Variants in PCDHGA5 observed in about 807,000 individuals in gnomAD.
The protein encoded by PCDHGA5 is protocadherin gamma subfamily A, 5.
Under a neutral mutation model 56.7 loss-of-function variants are expected in PCDHGA5, and 36 were observed. The ratio of observed to expected loss-of-function variants is 0.64; its 90% CI spans 0.49 to 0.84. The LOEUF is 0.84. Ranked by LOEUF, PCDHGA5 falls within the 40% of genes least tolerant of loss-of-function variation. The probability of loss-of-function intolerance (pLI) is 0.00; values close to 1 mark genes in which losing one functional copy is unlikely to be tolerated. For missense variants in PCDHGA5, 1,305 were observed against 1,201.5 expected (o/e 1.09, Z -1.27); for synonymous variants, 563 against 520.2 (o/e 1.08, Z -1.12).
chr5:141,437,408 G>A (rs1591455458), intron 1 of PCDHGA5, among the ~76,000 whole-genome samples: 1 of 152,200 alleles, frequency 6.6e-6, no homozygotes, highest in Non-Finnish European at 1.5e-5. Flanking sequence ...CATTCCAGAA[G>A]TATTATGCTT....
chr5:141,416,819 G>A (rs952251457), intron 1 of PCDHGA5: 5 of 151,982 alleles, frequency 3.3e-5, no homozygotes, highest in African/African-American at 9.7e-5. Flanking sequence ...AAAGCATTCC[G>A]AAGTTTCTCA....
chr5:141,428,114 C>T (rs2097111703), intron 1 of PCDHGA5: 1 of 1,607,084 alleles, frequency 6.2e-7, no homozygotes, highest in Admixed American at 1.7e-5. Context: ...TGCAGGCCAT[C>T]GAGCCCGGGC....
At chr5:141,428,141 G>A (rs1314061143) in intron 1 of PCDHGA5, 1 of 1,596,618 alleles carries the variant, frequency 6.3e-7, no homozygotes, top group Non-Finnish European at 8.6e-7. Context: ...GCCTGGGGCT[G>A]CACACGGGAA....
chr5:141,389,847 A>T (rs541124715), intron 1 of PCDHGA5: 1 of 1,614,066 alleles, frequency 6.2e-7, no homozygotes, highest in African/African-American at 1.3e-5. Flanking sequence ...ACTCTCGGCC[A>T]CTGCCACGTT....
intron 1 of PCDHGA5, chr5:141,375,729 G>A: frequency 1.9e-6 from 3 of 1,614,264 alleles, no homozygotes; most frequent in Non-Finnish European, 2.5e-6. Flanking sequence ...GTGTCACTGA[G>A]CCTGTTTGTG....
At position 141,431,994 on chromosome 5, in the gene PCDHGA5, G is replaced by C; in HGVS notation, c.2422-62813G>C. ...TTAGTCACAGACATAGTCTTGGATA[G>C]GGAACAGGTTCCTAGCTACAACATC... is the stretch of plus-strand genomic sequence containing the variant. On this transcript the variant is annotated intron_variant, in intron 1 of 3. Coordinates refer to ENST00000518069, the MANE Select transcript of PCDHGA5 (RefSeq NM_018918.3). The surrounding 1 kb of genome is among the most constrained non-coding windows in gnomAD (Gnocchi z 4.8). 1.9e-6 allele frequency: 3 copies of C among 1,614,188 alleles called. 1 individual carries two copies. The highest frequency in any genetic ancestry group is 2.2e-5 in the South Asian group (2 of 91,082).
chr5:141,387,926 G>A (rs888934094), intron 1 of PCDHGA5: 1 of 1,236,078 alleles, frequency 8.1e-7, no homozygotes, highest in South Asian at 1.5e-5. Context: ...CTGAGAGGCT[G>A]CCAGTGCTCT....
intron 1 of PCDHGA5, chr5:141,402,869 C>G (rs1051518401): frequency 6.7e-5 from 97 of 1,448,564 alleles, no homozygotes; most frequent in Admixed American, 6.1e-4. Flanking sequence ...GAAAAGATCA[C>G]CATACTTTGC....
At chr5:141,376,311 T>G in intron 1 of PCDHGA5, 1 of 1,613,882 alleles carries the variant, frequency 6.2e-7, no homozygotes, top group Non-Finnish European at 8.5e-7. Context: ...TTTGTGGGCG[T>G]GGAAGGGGTT....
chr5:141,492,007 C>A, intron 1 of PCDHGA5: 1 of 629,072 alleles, frequency 1.6e-6, no homozygotes, highest in Non-Finnish European at 2.6e-6. Flanking sequence ...GCGATTTCCG[C>A]GGGTGTCGGG....
rs974732178 is a variant in PCDHGA5 at position 141,374,708 on chromosome 5, C to A, written c.2421+7957C>A. On this transcript the variant is annotated intron_variant, in intron 1 of 3. Coordinates refer to ENST00000518069, the MANE Select transcript of PCDHGA5 (RefSeq NM_018918.3). ...GGACCGGGAAGGAGAAGCCGTTTACCGCCTGGTCCTTACTGCCATGGATGG... is the reference window on the plus strand; with the variant it reads ...GGACCGGGAAGGAGAAGCCGTTTACAGCCTGGTCCTTACTGCCATGGATGG... 1.8e-5 allele frequency: 29 copies of A among 1,609,028 alleles called. No individual in the cohort carries two copies. In the Admixed American group the frequency reaches 3.1e-4, roughly 17 times the overall value.
chr5:141,503,608 A>AAAAAAAG (rs1483073868), intron 2 of PCDHGA5, among the ~76,000 whole-genome samples: 1 of 151,994 alleles, frequency 6.6e-6, no homozygotes, highest in East Asian at 1.9e-4. Flanking sequence ...CAAAAAAAAA[A>AAAAAAAG]AAAAAAGAAA....
At chr5:141,411,567 G>A (rs1390794685) in intron 1 of PCDHGA5, 1 of 152,186 alleles carries the variant, frequency 6.6e-6, no homozygotes, top group Non-Finnish European at 1.5e-5. Context: ...CTGGGCGACA[G>A]AGTGCGACCC....
At chr5:141,446,922 T>G (rs939249512) in intron 1 of PCDHGA5, among the ~76,000 whole-genome samples, 1 of 152,220 alleles carries the variant, frequency 6.6e-6, no homozygotes, top group Non-Finnish European at 1.5e-5. Context: ...TTTATCTTCC[T>G]GATCTCTTTT....
intron 1 of PCDHGA5, among the ~76,000 whole-genome samples, chr5:141,435,833 A>G (rs1354866725): frequency 6.6e-6 from 1 of 152,112 alleles, no homozygotes; most frequent in Non-Finnish European, 1.5e-5. Flanking sequence ...TTTGCTGCCT[A>G]TCTACTTTGA....
In PCDHGA5 at chr5:141,477,877, C is replaced by A; in HGVS notation, c.2422-16930C>A. 1 of 1,614,170 alleles carries A rather than the reference C, an allele frequency of 6.2e-7. No homozygotes were observed. The highest frequency in any genetic ancestry group is 8.5e-7 in the Non-Finnish European group (1 of 1,180,036). On this transcript the variant is annotated intron_variant, in intron 1 of 3. Transcript: ENST00000518069. This position sits in a 1 kb window ranked among gnomAD's most constrained non-coding sequence, Gnocchi z 4.9. The stretch of plus-strand genomic sequence containing the variant: ...TGCTGCCTCGAGGTACCTCAGCTGG[C>A]CACCTAGTGTCACGGGTGGTAGGCT...
rs1465149203 is a variant in PCDHGA5 at position 141,366,402 on chromosome 5, T to C, written c.2072T>C (p.Leu691Pro). 7.4e-6 allele frequency: 12 copies of C among 1,614,168 alleles called. No individual in the cohort carries two copies. The highest frequency in any genetic ancestry group is 1.0e-5 in the Non-Finnish European group (12 of 1,180,032). ...PIDPEDLDLT[L>P]YLVVAVAAVS... ...GACCCTGAGGATCTGGACCTCACAC[T>C]CTATCTTGTGGTGGCAGTGGCTGCA... Residue 691 changes from leucine to proline, a missense_variant, in exon 1 of 4, where the codon CTC becomes CCC. Coordinates refer to ENST00000518069, the MANE Select transcript of PCDHGA5 (RefSeq NM_018918.3).
At chr5:141,469,312 C>T (rs1387258560) in intron 1 of PCDHGA5, among the ~76,000 whole-genome samples, 2 of 152,064 alleles carry the variant, frequency 1.3e-5, no homozygotes, top group Non-Finnish European at 2.9e-5. Flanking sequence ...CACGATGGCT[C>T]ACGCCTGTAA....
chr5:141,425,478 G>A (rs2096877750), intron 1 of PCDHGA5, among the ~76,000 whole-genome samples: 1 of 152,148 alleles, frequency 6.6e-6, no homozygotes, highest in Admixed American at 6.5e-5. Flanking sequence ...AATTCCTATG[G>A]CAACCTACTA....
Sources: gnomAD v4.1 joint callset for allele counts (sites outside exome capture counted in the v4.1 genomes callset) on GRCh38, gnomAD v4.1.1 for gene constraint, Gnocchi (gnomAD v3.1) non-coding constraint, MANE v1.5 for transcripts, NCBI Gene and HGNC (gene_info 2026-07-23, HGNC 2026-07-21) for gene names.